Variants in SP1 observed in about 807,000 individuals in gnomAD.
SP1 encodes Sp1 transcription factor.
SP1 carries 6 observed loss-of-function variants against 66.3 expected under a neutral mutation model. The ratio of observed to expected loss-of-function variants is 0.09; its 90% CI spans 0.05 to 0.18. SP1 has a LOEUF of 0.18. SP1 is among the 10% of genes least tolerant of loss of function. The pLI is 1.00. For missense variants in SP1, 848 were observed against 964.5 expected (o/e 0.88, Z 1.60); for synonymous variants, 417 against 360.8 (o/e 1.16, Z -1.77).
At position 53,411,047 on chromosome 12, in the gene SP1, G is replaced by T; in HGVS notation, c.2165G>T (p.Gly722Val). 6.2e-7 allele frequency: 1 copy of T among 1,614,228 alleles called. No homozygotes were observed. The highest frequency in any genetic ancestry group is 1.6e-4 in the Middle Eastern group (1 of 6,062). ...GGCCCAGGTGTAGCTCTGAGTGTGG[G>T]CACTTTGCCCCTGGACAGTGGGGCA... ...KGGPGVALSV[G>V]TLPLDSGAGS... The change falls in exon 6 of 6, where the codon GGC (glycine) becomes GTC (valine). Residue 722 changes from glycine (G) to valine (V), a missense_variant. Coordinates refer to ENST00000327443, the MANE Select transcript of SP1 (RefSeq NM_138473.3).
intron 3 of SP1, among the ~76,000 whole-genome samples, chr12:53,394,518 T>C (rs536614360): frequency 1.0e-4 from 15 of 150,186 alleles, no homozygotes; most frequent in East Asian, 7.8e-4. Context: ...GTGGGTCTGC[T>C]TCAGCCTCCC....
Position 53,406,760 on chromosome 12 carries a change from T to A in SP1, c.1844+7T>A. 6.2e-7 allele frequency: 1 copy of A among 1,607,742 alleles called. No individual in the cohort carries two copies. The highest frequency in any genetic ancestry group is 8.5e-7 in the Non-Finnish European group (1 of 1,176,738). ...GTAAAGACAGTGAAGGAAGGTGAGTTGACCCAGCCAGTTTCTTACAAATAT... is the reference window on the plus strand; with the variant it reads ...GTAAAGACAGTGAAGGAAGGTGAGTAGACCCAGCCAGTTTCTTACAAATAT... On this transcript the variant is annotated splice_region_variant and intron_variant, in intron 4 of 5. Transcript: ENST00000327443.
Position 53,380,211 on chromosome 12 carries a change from C to A in SP1, c.-81C>A. ...CCCTGTCCGGTCCGGGTTCGCTTGC[C>A]TCGTCAGCGTCCGCGTTTTTCCCGG... On this transcript the variant is annotated 5_prime_UTR_variant, in exon 1 of 6. Coordinates refer to ENST00000327443, the MANE Select transcript of SP1 (RefSeq NM_138473.3). 2 of 1,099,182 alleles carry A rather than the reference C, an allele frequency of 1.8e-6. No individual in the cohort carries two copies. Among genetic ancestry groups the A allele is most frequent in the South Asian group, 2.6e-5 (2 of 77,878 alleles). The allele number at this position is 1,099,182 out of a possible 1,614,324, so 68.1% of individuals were successfully genotyped here. A position where few individuals can be genotyped will look rare whatever the true frequency, so the allele number is the denominator to read the frequency against.
intron 3 of SP1, among the ~76,000 whole-genome samples, chr12:53,399,472 C>T (rs1938560669): frequency 6.6e-6 from 1 of 151,742 alleles, no homozygotes; most frequent in Non-Finnish European, 1.5e-5. Flanking sequence ...GCTGGGGCTA[C>T]AGGCGCCCGC....
chr12:53,390,711 T>C (rs1938329509), intron 3 of SP1, among the ~76,000 whole-genome samples: 1 of 152,162 alleles, frequency 6.6e-6, no homozygotes, highest in Non-Finnish European at 1.5e-5. Context: ...TGCTTTGATT[T>C]GAAAATCAGT....
At chr12:53,399,001 A>C (rs1309503753) in intron 3 of SP1, among the ~76,000 whole-genome samples, 1 of 152,174 alleles carries the variant, frequency 6.6e-6, no homozygotes, top group Non-Finnish European at 1.5e-5. Flanking sequence ...CTTAAGTATG[A>C]TCATACTATC....
intron 3 of SP1, among the ~76,000 whole-genome samples, chr12:53,392,360 T>TC (rs1245715879): frequency 7.4e-6 from 1 of 135,868 alleles, no homozygotes; most frequent in East Asian, 2.1e-4. Context: ...TTTTTTTTTT[T>TC]TTTTTTTTTT....
intron 3 of SP1, among the ~76,000 whole-genome samples, chr12:53,397,845 C>T (rs760217265): frequency 4.6e-5 from 7 of 152,232 alleles, no homozygotes; most frequent in Middle Eastern, 3.4e-3. Flanking sequence ...TGAGCCACTG[C>T]GCCCGACCGT....
intron 3 of SP1, among the ~76,000 whole-genome samples, chr12:53,401,056 A>G (rs1938598688): frequency 1.3e-5 from 2 of 151,974 alleles, no homozygotes; most frequent in Non-Finnish European, 2.9e-5. Flanking sequence ...GGCATGAGCC[A>G]CCTCATCTGG....
intron 4 of SP1, among the ~76,000 whole-genome samples, chr12:53,409,096 G>A (rs1385509566): frequency 6.6e-6 from 1 of 151,446 alleles, no homozygotes; most frequent in East Asian, 1.9e-4. Context: ...ATGGTGGTGT[G>A]CACCTGTAAT....
In SP1 at chr12:53,411,175, A is replaced by G; in HGVS notation, c.2293A>G (p.Ser765Gly). Residue 765 changes from serine (S) to glycine (G), a missense_variant, in exon 6 of 6, where the codon AGT becomes GGT. Transcript: ENST00000327443. ...AGAGGGCATTGCCCGTCTTGCCAACAGTGGCATCAACGTCATGCAGGTGGC... is the reference window on the plus strand; with the variant it reads ...AGAGGGCATTGCCCGTCTTGCCAACGGTGGCATCAACGTCATGCAGGTGGC... The part of the protein sequence containing the change: ...CPEGIARLAN[S>G]GINVMQVADL... The G allele has an allele frequency of 6.2e-7, 1 of 1,614,038 alleles. No individual in the cohort carries two copies. The highest frequency in any genetic ancestry group is 1.1e-5 in the South Asian group (1 of 91,072).
At chr12:53,409,722 A>G (rs1481418174) in intron 5 of SP1, among the ~76,000 whole-genome samples, 161 bp downstream of exon 5, 1 of 152,206 alleles carries the variant, frequency 6.6e-6, no homozygotes, top group Non-Finnish European at 1.5e-5. Flanking sequence ...TTAAGAAGGA[A>G]GGAGGGGCTG....
rs1938874881 is a variant in SP1, at chr12:53,411,210, G to A, written c.2328G>A (p.Gln776=). ...ACGTCATGCAGGTGGCAGATCTGCA[G>A]TCCATTAATATCAGTGGCAATGGCT... The part of the protein sequence containing the change: ...GINVMQVADL[Q]SINISGNGF Residue 776 remains glutamine (Q), a synonymous_variant, in exon 6 of 6, where the codon CAG becomes CAA. Coordinates refer to ENST00000327443, the MANE Select transcript of SP1 (RefSeq NM_138473.3). 5 of 1,613,226 alleles carry A rather than the reference G, an allele frequency of 3.1e-6. No individual in the cohort carries two copies. The East Asian group carries it at 6.7e-5, about 22-fold the overall frequency.
In SP1 at chr12:53,415,082, G is replaced by C. The variant is rs1312777640; in HGVS notation, c.*3842G>C. 6.6e-6 allele frequency: 1 copy of C among 152,396 alleles called. No homozygotes were observed. The highest frequency in any genetic ancestry group is 2.1e-4 in the South Asian group (1 of 4,818). 9.4% of individuals were successfully genotyped at this position (152,396 alleles called of 1,614,324 possible). A position where few individuals can be genotyped will look rare whatever the true frequency, so the allele number is the denominator to read the frequency against. On this transcript the variant is annotated 3_prime_UTR_variant, in exon 6 of 6. Coordinates refer to ENST00000327443, the MANE Select transcript of SP1 (RefSeq NM_138473.3). ...AACTTATGTACAAGGATGAAAGAAAGGTCGCAGCAGTAGCTTTGGGGAAAG... is the reference window on the plus strand; with the variant it reads ...AACTTATGTACAAGGATGAAAGAAACGTCGCAGCAGTAGCTTTGGGGAAAG...
chr12:53,383,720 C>G (rs1233699272), intron 3 of SP1, 98 bp downstream of exon 3: 5 of 966,476 alleles, frequency 5.2e-6, no homozygotes, highest in Admixed American at 4.8e-5. Context: ...TGAGATAACA[C>G]TTTCTTGAGG....
chr12:53,390,955 T>C (rs1237748883), intron 3 of SP1, among the ~76,000 whole-genome samples: 1 of 152,210 alleles, frequency 6.6e-6, no homozygotes, highest in Non-Finnish European at 1.5e-5. Context: ...GTGCAACTAA[T>C]AATTCTGCTC....
chr12:53,410,499 G>C (rs1938858210), intron 5 of SP1, among the ~76,000 whole-genome samples: 3 of 151,814 alleles, frequency 2.0e-5, no homozygotes, highest in African/African-American at 7.2e-5. Context: ...AAATATACTT[G>C]AAGTTTTTTG....
intron 1 of SP1, chr12:53,381,441 G>T: frequency 9.8e-6 from 4 of 408,014 alleles, no homozygotes; most frequent in South Asian, 4.9e-5. Context: ...GTTTAATTTT[G>T]TACAAGGGAG....
chr12:53,381,042 C>G (rs144921891), intron 1 of SP1, among the ~76,000 whole-genome samples: 3,791 of 145,844 alleles, frequency 0.026, 70 homozygotes, highest in Middle Eastern at 0.052. Flanking sequence ...ACCTCTGCCT[C>G]CCGGATTCAG....
Sources: allele counts gnomAD v4.1 joint callset (sites outside exome capture counted in the v4.1 genomes callset), GRCh38; gene constraint gnomAD v4.1.1; transcripts MANE v1.5; gene names NCBI Gene and HGNC (gene_info 2026-07-23, HGNC 2026-07-21).